The following OXR1 variants were observed in gnomAD, a reference collection of about 807,000 sequenced individuals.
OXR1 encodes the protein oxidation resistance protein 1.
A neutral mutation model predicts 104.6 loss-of-function variants in OXR1; 41 were observed. That is an observed-to-expected ratio of 0.39 (90% CI 0.31 to 0.51). The LOEUF is 0.51. OXR1 is among the 20% of genes least tolerant of loss of function. OXR1 has a pLI of 0.77. For missense variants in OXR1, 955 were observed against 1,031.9 expected (o/e 0.93, Z 1.02); for synonymous variants, 348 against 348.4 (o/e 1.00, Z 0.01).
At chr8:106,735,947 C>G (rs1017727659) in intron 11 of OXR1, among the ~76,000 whole-genome samples, 1 of 152,036 alleles carries the variant, frequency 6.6e-6, no homozygotes, top group African/African-American at 2.4e-5. Context: ...GCTCTTTGGC[C>G]ATTATCATTT....
chr8:106,611,773 T>C (rs1820830150), intron 3 of OXR1, among the ~76,000 whole-genome samples: 2 of 152,216 alleles, frequency 1.3e-5, no homozygotes, highest in African/African-American at 4.8e-5. Flanking sequence ...TGGAGAGTCC[T>C]GTTGCCTGTA....
At chr8:106,640,512 T>C (rs1223884656) in intron 3 of OXR1, among the ~76,000 whole-genome samples, 1 of 151,998 alleles carries the variant, frequency 6.6e-6, no homozygotes, top group Admixed American at 6.6e-5. Flanking sequence ...TTTTATTTTA[T>C]CTAAGACATA....
At chr8:106,469,651 A>G (rs1025544709) in intron 2 of OXR1, among the ~76,000 whole-genome samples, 7 of 151,888 alleles carry the variant, frequency 4.6e-5, no homozygotes, top group Non-Finnish European at 1.0e-4. Context: ...GCTTGTGATT[A>G]ACAGTGTCAG....
intron 1 of OXR1, among the ~76,000 whole-genome samples, chr8:106,271,237 C>T (rs1443865817): frequency 1.3e-5 from 2 of 152,160 alleles, no homozygotes; most frequent in East Asian, 3.9e-4. Flanking sequence ...TCACCCCTGG[C>T]TCCTCCTCCG....
chr8:106,273,861 G>A (rs1811918270), intron 1 of OXR1, among the ~76,000 whole-genome samples: 1 of 152,196 alleles, frequency 6.6e-6, no homozygotes, highest in Non-Finnish European at 1.5e-5. Context: ...ATGCATATGT[G>A]CATGTGAGCT....
intron 1 of OXR1, among the ~76,000 whole-genome samples, chr8:106,306,395 A>G (rs927751481): frequency 6.6e-6 from 1 of 152,162 alleles, no homozygotes; most frequent in Non-Finnish European, 1.5e-5. Flanking sequence ...AAAGCAGGTA[A>G]TAGGGAGGAG....
intron 2 of OXR1, among the ~76,000 whole-genome samples, chr8:106,392,893 G>T (rs1323051405): frequency 1.3e-5 from 2 of 152,174 alleles, no homozygotes; most frequent in Non-Finnish European, 2.9e-5. Flanking sequence ...AAAACAGCTT[G>T]CTGGCTCTTT....
chr8:106,390,297 C>A (rs918236587), intron 2 of OXR1, among the ~76,000 whole-genome samples: 1 of 152,042 alleles, frequency 6.6e-6, no homozygotes, highest in African/African-American at 2.4e-5. Context: ...TACTGGGACA[C>A]CTTAATGGAC....
chr8:106,728,852 T>G (rs768888351), intron 11 of OXR1, among the ~76,000 whole-genome samples: 56 of 152,168 alleles, frequency 3.7e-4, no homozygotes, highest in Non-Finnish European at 7.9e-4. Flanking sequence ...AGTGTTTCAT[T>G]GCCTTTATCA....
intron 14 of OXR1, 41 bp from the exon 15 acceptor site, chr8:106,742,181 T>G: frequency 1.9e-6 from 2 of 1,075,408 alleles, no homozygotes; most frequent in Non-Finnish European, 2.9e-6. Flanking sequence ...CTGGAATAAA[T>G]TTGTTAGTCG....
chr8:106,624,110 T>G (rs1821951439), intron 3 of OXR1, among the ~76,000 whole-genome samples: 1 of 152,154 alleles, frequency 6.6e-6, no homozygotes, highest in Admixed American at 6.5e-5. Context: ...AAGTCAGGTT[T>G]TCGACCAATT....
chr8:106,448,631 C>T (rs1820137292), intron 2 of OXR1, among the ~76,000 whole-genome samples: 1 of 151,896 alleles, frequency 6.6e-6, no homozygotes. Flanking sequence ...CTAATAATAG[C>T]ATAGGTCTAG....
chr8:106,518,695 G>A (rs1813035870), intron 2 of OXR1, among the ~76,000 whole-genome samples: 1 of 151,898 alleles, frequency 6.6e-6, no homozygotes, highest in Non-Finnish European at 1.5e-5. Flanking sequence ...AAAAATAAAA[G>A]CTCTTTATCA....
At chr8:106,292,845 ACT>A (rs1324881016) in intron 1 of OXR1, among the ~76,000 whole-genome samples, 2 of 152,206 alleles carry the variant, frequency 1.3e-5, no homozygotes, top group Non-Finnish European at 2.9e-5. Context: ...TGTTTATGTC[ACT>A]GAAGAATGTT....
At chr8:106,297,899 T>C (rs867942775) in intron 1 of OXR1, among the ~76,000 whole-genome samples, 3 of 152,184 alleles carry the variant, frequency 2.0e-5, no homozygotes, top group Non-Finnish European at 4.4e-5. Flanking sequence ...TTAATGAATA[T>C]GGAGCAAATG....
chr8:106,542,699 A>G (rs1458886268), intron 3 of OXR1, among the ~76,000 whole-genome samples: 2 of 152,070 alleles, frequency 1.3e-5, no homozygotes, highest in African/African-American at 2.4e-5. Context: ...TGTTTCAAAT[A>G]TATCATGCTG....
intron 3 of OXR1, among the ~76,000 whole-genome samples, chr8:106,590,085 A>G (rs1818958915): frequency 6.6e-6 from 1 of 152,228 alleles, no homozygotes; most frequent in Admixed American, 6.5e-5. Context: ...CTTCCACTTC[A>G]TTGATAAAAA....
intron 3 of OXR1, among the ~76,000 whole-genome samples, chr8:106,531,670 C>T (rs938128816): frequency 2.0e-5 from 3 of 151,918 alleles, no homozygotes; most frequent in Non-Finnish European, 4.4e-5. Context: ...AGATAGATTC[C>T]GTTTTGAAGT....
intron 1 of OXR1, among the ~76,000 whole-genome samples, chr8:106,294,183 A>G (rs890450750): frequency 1.3e-5 from 2 of 151,736 alleles, no homozygotes; most frequent in South Asian, 2.1e-4. Flanking sequence ...CGGGCAGATA[A>G]TGAGGTCAGG....
Sources: allele counts gnomAD v4.1 joint callset (sites outside exome capture counted in the v4.1 genomes callset), GRCh38; gene constraint gnomAD v4.1.1; transcripts MANE v1.5; gene names NCBI Gene and HGNC (gene_info 2026-07-23, HGNC 2026-07-21).